Variants in ERBB2 observed in about 807,000 individuals in gnomAD.
ERBB2 encodes the protein receptor tyrosine-protein kinase erbB-2.
Under a neutral mutation model 149.0 loss-of-function variants are expected in ERBB2, and 61 were observed. That is an observed-to-expected ratio of 0.41 (90% CI 0.33 to 0.51). The LOEUF (loss-of-function observed/expected upper bound fraction) is 0.51. Ranked by LOEUF, ERBB2 falls within the 20% of genes least tolerant of loss-of-function variation. The pLI, the probability that ERBB2 is intolerant of heterozygous loss-of-function variation, is 0.25. For synonymous variants in ERBB2, 633 were observed against 678.8 expected, an observed-to-expected ratio of 0.93 and a Z score of 1.05; for missense variants, 1,205 against 1,655.1, an observed-to-expected ratio of 0.73 and a Z score of 4.72.
In ERBB2 at chr17:39,726,860, C is replaced by T. The variant is rs780434636; in HGVS notation, c.3016C>T (p.Arg1006Cys). The change falls in exon 25 of 27, where the codon CGC becomes TGC. Residue 1006 changes from arginine to cysteine, a missense_variant. Around this residue, in one of 6 missense-constraint regions of ERBB2, gnomAD observed 312 missense variants for 343.8 expected, o/e 0.91. Coordinates refer to ENST00000269571, the MANE Select transcript of ERBB2 (RefSeq NM_004448.4). The surrounding 1 kb of genome is among the most constrained non-coding windows in gnomAD (Gnocchi z 5.1). ...CAGTCCCTTGGACAGCACCTTCTACCGCTCACTGCTGGAGGACGATGACAT... is the reference window on the plus strand; with the variant it reads ...CAGTCCCTTGGACAGCACCTTCTACTGCTCACTGCTGGAGGACGATGACAT... ...PASPLDSTFYRSLLEDDDMGD... is the reference protein window; with the variant it reads ...PASPLDSTFYCSLLEDDDMGD... 1.4e-5 allele frequency: 23 copies of T among 1,613,532 alleles called. No homozygotes were observed. Among genetic ancestry groups the T allele is most frequent in the South Asian group, 6.6e-5 (6 of 91,050 alleles).
Position 39,728,137 on chromosome 17 carries a change from C to A in ERBB2, c.*93C>A. ...GGCATCAAGAGGTGGGAGGGCCCTC[C>A]GACCACTTCCAGGGGAACCTGCCAT... is the stretch of plus-strand genomic sequence containing the variant. On this transcript the variant is annotated 3_prime_UTR_variant, in exon 27 of 27. Coordinates refer to ENST00000269571, the MANE Select transcript of ERBB2 (RefSeq NM_004448.4). 1.1e-6 allele frequency: 1 copy of A among 872,614 alleles called. No homozygotes were observed. The highest frequency in any genetic ancestry group is 1.7e-6 in the Non-Finnish European group (1 of 580,554). 54.1% of individuals were successfully genotyped at this position (872,614 alleles called of 1,614,324 possible). A position where few individuals can be genotyped will look rare whatever the true frequency, so the allele number is the denominator to read the frequency against.
At chr17:39,691,902 T>TATAG (rs1567886190), upstream of ERBB2, among the ~76,000 whole-genome samples, 1 of 126,772 alleles carries the variant, frequency 7.9e-6, no homozygotes, top group African/African-American at 3.1e-5. Flanking sequence ...TAGATATAGA[T>TATAG]ATATATACAT....
chr17:39,710,493 G>C lies in ERBB2; in HGVS notation c.901+12G>C, dbSNP rs775946869. The C allele has an allele frequency of 6.2e-7, 1 of 1,613,784 alleles. No individual in the cohort carries two copies. Among genetic ancestry groups the C allele is most frequent in the Non-Finnish European group, 8.5e-7 (1 of 1,180,030 alleles). On this transcript the variant is annotated intron_variant, in intron 7 of 26. Transcript: ENST00000269571. ...GACTGCCTGTCCCTGTGAGTGCCAG[G>C]GAGAAACACAGTTTTCTCATTTTGG...
At chr17:39,707,400 C>A (rs766969404) in intron 2 of ERBB2, 12 of 379,856 alleles carry the variant, frequency 3.2e-5, no homozygotes, top group Non-Finnish European at 5.7e-5. Context: ...GCTCTCTTGC[C>A]AGCATGATCA....
chr17:39,698,761 T>A (rs1444442314), upstream of ERBB2, among the ~76,000 whole-genome samples: 1 of 152,122 alleles, frequency 6.6e-6, no homozygotes, highest in African/African-American at 2.4e-5. Flanking sequence ...GATGCTGGTG[T>A]CCTTCATTCT....
chr17:39,694,246 TA>T (rs2057792698), upstream of ERBB2, among the ~76,000 whole-genome samples: 1 of 27,498 alleles, frequency 3.6e-5, no homozygotes, highest in Admixed American at 3.9e-4. Context: ...TATATATATA[TA>T]TATATATATA....
Position 39,727,266 on chromosome 17 carries a change from C to T in ERBB2, c.3160-29C>T, listed in dbSNP as rs755764944. The T allele has an allele frequency of 2.4e-5, 38 of 1,609,890 alleles. No homozygotes were observed. Among genetic ancestry groups the T allele is most frequent in the African/African-American group, 4.0e-5 (3 of 74,568 alleles). ...CCCCATCCCAGATCCGTGAGTGACCCCCATCATGACTTTCTTTCTTGTCCC... is the reference window on the plus strand; with the variant it reads ...CCCCATCCCAGATCCGTGAGTGACCTCCATCATGACTTTCTTTCTTGTCCC... On this transcript the variant is annotated intron_variant, in intron 25 of 26. Coordinates refer to ENST00000269571, the MANE Select transcript of ERBB2 (RefSeq NM_004448.4). The surrounding 1 kb of genome is among the most constrained non-coding windows in gnomAD (Gnocchi z 4.3).
chr17:39,695,743 ACACACACACACACACG>A (rs1425196095), upstream of ERBB2, among the ~76,000 whole-genome samples: 1 of 148,842 alleles, frequency 6.7e-6, no homozygotes, highest in African/African-American at 2.5e-5. Context: ...ACACACACAC[ACACACACACACACACG>A]TCTCCTGTGC....
upstream of ERBB2, chr17:39,693,208 C>T (rs2057752121): frequency 6.6e-6 from 1 of 152,232 alleles, no homozygotes. Flanking sequence ...TCTGCCACCC[C>T]CAAAATAGCA....
chr17:39,691,934 C>CATATATATATAT (rs57592884), upstream of ERBB2, among the ~76,000 whole-genome samples: 84 of 120,874 alleles, frequency 6.9e-4, no homozygotes, highest in Middle Eastern at 3.9e-3. Flanking sequence ...TATACATATA[C>CATATATATATAT]ATATATATAT....
Position 39,725,562 on chromosome 17 carries a change from A to C in ERBB2, c.2726-145A>C, listed in dbSNP as rs1019245951. On this transcript the variant is annotated intron_variant, in intron 22 of 26. Transcript: ENST00000269571. This position sits in a 1 kb window ranked among gnomAD's most constrained non-coding sequence, Gnocchi z 4.6. ...CAGGGTCTGTGCACTTCCCAGGATT[A>C]GGGAAAGACCGGGTAGGGTCTGTCT... 1.7e-6 allele frequency: 2 copies of C among 1,195,744 alleles called. No individual in the cohort carries two copies. Among genetic ancestry groups the C allele is most frequent in the African/African-American group, 3.0e-5 (2 of 65,988 alleles). The allele number at this position is 1,195,744 out of a possible 1,614,324, so 74.1% of individuals were successfully genotyped here. A position where few individuals can be genotyped will look rare whatever the true frequency, so the allele number is the denominator to read the frequency against.
chr17:39,716,055 T>A (rs1256904705), intron 12 of ERBB2, 116 bp downstream of exon 12: 5 of 1,160,588 alleles, frequency 4.3e-6, no homozygotes, highest in Admixed American at 2.1e-5. Context: ...TGTGCACCCT[T>A]CTTGACTCAG....
At chr17:39,691,957 A>ATATATATATC (rs964668266), upstream of ERBB2, among the ~76,000 whole-genome samples, 1 of 145,374 alleles carries the variant, frequency 6.9e-6, no homozygotes, top group African/African-American at 2.6e-5. Flanking sequence ...ATATATATAT[A>ATATATATATC]TCTCTTGTGT....
chr17:39,706,733 C>T (rs1025804276), intron 1 of ERBB2: 5 of 350,604 alleles, frequency 1.4e-5, no homozygotes, highest in African/African-American at 2.1e-5. Context: ...AGGGCTGGCA[C>T]GCTGGGGCAG....
chr17:39,720,185 G>T, intron 16 of ERBB2: 1 of 248,958 alleles, frequency 4.0e-6, no homozygotes, highest in Non-Finnish European at 7.8e-6. Flanking sequence ...AACTGGGGAT[G>T]GTGGGAGGCT....
rs2145638590 is a variant in ERBB2 at position 39,715,463 on chromosome 17, G to A, written c.1240G>A (p.Ala414Thr). ...GCCTGCAGGTTACCTATACATCTCA[G>A]CATGGCCGGACAGCCTGCCTGACCT... Reference protein sequence around the residue: ...EEITGYLYISAWPDSLPDLSV... With the variant: ...EEITGYLYISTWPDSLPDLSV... Residue 414 changes from alanine (A) to threonine (T), a missense_variant, in exon 11 of 27, where the codon GCA (alanine) becomes ACA (threonine). By Grantham distance (58) the Ala-to-Thr change is moderately conservative. This residue lies in a region of ERBB2 where 569 missense variants were observed against 803.5 expected (regional missense o/e 0.71). Transcript: ENST00000269571. 1.2e-6 allele frequency: 2 copies of A among 1,614,188 alleles called. No homozygotes were observed. The highest frequency in any genetic ancestry group is 1.7e-6 in the Non-Finnish European group (2 of 1,180,038).
intron 2 of ERBB2, 61 bp from the exon 3 acceptor site, chr17:39,708,260 A>G (rs1260968174): frequency 4.3e-6 from 6 of 1,392,344 alleles, no homozygotes; most frequent in Non-Finnish European, 6.0e-6. Flanking sequence ...GGGGAACCCC[A>G]GGGAGGCCCT....
intron 5 of ERBB2, 39 bp from the exon 6 acceptor site, chr17:39,710,047 G>A (rs570351711): frequency 4.5e-5 from 70 of 1,563,726 alleles, no homozygotes; most frequent in Non-Finnish European, 5.7e-5. Flanking sequence ...CTGGTGCCCA[G>A]GGCGCCACTC....
rs1383260424 is a variant in ERBB2, at chr17:39,725,499, T to C, written c.2725+97T>C. Reference sequence around the variant, plus strand: ...GGAGAATTACGGGGCCACCTCAGCATGTGAAGGGAGGGAAGGGGCTGCCTG... The same window carrying C: ...GGAGAATTACGGGGCCACCTCAGCACGTGAAGGGAGGGAAGGGGCTGCCTG... On this transcript the variant is annotated intron_variant, in intron 22 of 26. Transcript: ENST00000269571. This position sits in a 1 kb window ranked among gnomAD's most constrained non-coding sequence, Gnocchi z 4.6. 7.3e-6 allele frequency: 10 copies of C among 1,366,812 alleles called. No individual in the cohort carries two copies. The Admixed American group carries it at 1.2e-4, about 17-fold the overall frequency. 84.7% of individuals were successfully genotyped at this position (1,366,812 alleles called of 1,614,324 possible).
Sources: allele counts gnomAD v4.1 joint callset (sites outside exome capture counted in the v4.1 genomes callset), GRCh38; gene constraint gnomAD v4.1.1; regional missense constraint gnomAD v4.1.1; non-coding constraint Gnocchi (gnomAD v3.1); transcripts MANE v1.5; gene names NCBI Gene and HGNC (gene_info 2026-07-23, HGNC 2026-07-21).